Variants in CLEC7A observed in about 807,000 individuals in gnomAD.
CLEC7A encodes the protein C-type lectin domain family 7 member A.
In CLEC7A, 25 loss-of-function variants were observed where a neutral mutation model predicts 26.9. The observed-to-expected ratio is 0.93, with a 90% confidence interval of 0.68 to 1.30. The LOEUF is 1.30. Ranked by LOEUF, CLEC7A falls within the 50% of genes most tolerant of loss-of-function variation. The probability of loss-of-function intolerance (pLI) is 0.00; values close to 1 mark genes in which losing one functional copy is unlikely to be tolerated. For synonymous variants in CLEC7A, 100 were observed against 99.5 expected, an observed-to-expected ratio of 1.01 and a Z score of -0.03; for missense variants, 275 against 286.7, an observed-to-expected ratio of 0.96 and a Z score of 0.29.
chr12:10,128,256 A>C (rs552964548), intron 1 of CLEC7A, among the ~76,000 whole-genome samples: 32 of 143,368 alleles, frequency 2.2e-4, no homozygotes, highest in African/African-American at 8.3e-4. Context: ...ACCACCAACA[A>C]CAACAACAAA....
intron 5 of CLEC7A, 121 bp downstream of exon 5, chr12:10,123,124 C>G (rs754762744): frequency 9.4e-6 from 6 of 641,546 alleles, no homozygotes; most frequent in Non-Finnish European, 1.7e-5. Flanking sequence ...ATATCTTTCT[C>G]CCTCTCTTTC....
At chr12:10,129,829 G>A (rs1025433479) in intron 1 of CLEC7A, 151 bp downstream of exon 1, 1 of 473,282 alleles carries the variant, frequency 2.1e-6, no homozygotes, top group Admixed American at 3.4e-5. Context: ...CGTTAGCCAA[G>A]CTGGCCTCGA....
chr12:10,125,371 A>AC lies in CLEC7A; in HGVS notation c.417_418insG (p.Ser140ValfsTer6). ...CATTGTCTTTTACTTCCATCCCAGGAATTTAGTGACATGCTGAATAGATAA... is the reference window on the plus strand; with the variant it reads ...CATTGTCTTTTACTTCCATCCCAGGACATTTAGTGACATGCTGAATAGATAA... On this transcript the variant is annotated frameshift_variant, in exon 4 of 6. Coordinates refer to ENST00000304084, the MANE Select transcript of CLEC7A (RefSeq NM_197947.3). LOFTEE classifies it high-confidence loss of function. The AC allele has an allele frequency of 1.9e-6, 3 of 1,613,696 alleles. No homozygotes were observed. The highest frequency in any genetic ancestry group is 2.5e-6 in the Non-Finnish European group (3 of 1,179,868).
intron 3 of CLEC7A, among the ~76,000 whole-genome samples, chr12:10,125,774 ACAAT>A (rs534428457): frequency 2.8e-4 from 43 of 152,264 alleles, no homozygotes; most frequent in Non-Finnish European, 5.1e-4. Context: ...AAGTCCACTC[ACAAT>A]CAGTCATTGA....
Position 10,118,379 on chromosome 12 carries a change from C to T in CLEC7A, c.*79G>A. 7.4e-7 allele frequency: 1 copy of T among 1,344,150 alleles called. No individual in the cohort carries two copies. The highest frequency in any genetic ancestry group is 2.3e-5 in the East Asian group (1 of 42,990). 83.3% of individuals were successfully genotyped at this position (1,344,150 alleles called of 1,614,324 possible). A position where few individuals can be genotyped will look rare whatever the true frequency, so the allele number is the denominator to read the frequency against. On this transcript the variant is annotated 3_prime_UTR_variant, in exon 6 of 6. Coordinates refer to ENST00000304084, the MANE Select transcript of CLEC7A (RefSeq NM_197947.3). Reference sequence around the variant, plus strand: ...ACATTTTCTGCATTTATCTTGACCTCAGCTGTTACTCTTTTCTGTTCTGTT... The same window carrying T: ...ACATTTTCTGCATTTATCTTGACCTTAGCTGTTACTCTTTTCTGTTCTGTT...
intron 4 of CLEC7A, 45 bp from the exon 5 acceptor site, chr12:10,123,408 G>GAGAC: frequency 3.0e-6 from 3 of 1,015,122 alleles, no homozygotes; most frequent in African/African-American, 1.9e-5. Flanking sequence ...GAGAGAGAGA[G>GAGAC]AGAGAAAGAA....
intron 4 of CLEC7A, among the ~76,000 whole-genome samples, chr12:10,123,700 G>A (rs1948176920): frequency 7.2e-6 from 1 of 139,794 alleles, no homozygotes; most frequent in South Asian, 2.2e-4. Flanking sequence ...AGCGGAGCTT[G>A]CAGTGAGCCG....
At chr12:10,120,305 T>C (rs1317240820) in intron 5 of CLEC7A, among the ~76,000 whole-genome samples, 2 of 152,134 alleles carry the variant, frequency 1.3e-5, no homozygotes, top group Non-Finnish European at 2.9e-5. Flanking sequence ...CAGTGCTGAG[T>C]AAACACATTA....
intron 5 of CLEC7A, among the ~76,000 whole-genome samples, chr12:10,120,061 G>A (rs1444837449): frequency 6.6e-6 from 1 of 152,016 alleles, no homozygotes; most frequent in African/African-American, 2.4e-5. Context: ...CTTAATAGAG[G>A]CTTTTAATGG....
At chr12:10,127,580 C>A (rs1356545315) in intron 2 of CLEC7A, 167 bp downstream of exon 2, 1 of 978,702 alleles carries the variant, frequency 1.0e-6, no homozygotes, top group Non-Finnish European at 1.6e-6. Flanking sequence ...GTCTCTCACA[C>A]CCTTTATAAG....
chr12:10,120,461 G>GA (rs1266039310), intron 5 of CLEC7A, among the ~76,000 whole-genome samples: 1 of 151,952 alleles, frequency 6.6e-6, no homozygotes, highest in African/African-American at 2.4e-5. Context: ...TCAGTCTTAA[G>GA]AAAAAATACC....
chr12:10,123,118 C>A (rs1172880394), intron 5 of CLEC7A, 127 bp downstream of exon 5: 2 of 634,894 alleles, frequency 3.2e-6, no homozygotes, highest in Non-Finnish European at 5.7e-6. Flanking sequence ...TCTTCTATAT[C>A]TTTCTCCCTC....
rs765215573 is a variant in CLEC7A at position 10,126,530 on chromosome 12, C to A, written c.340+41G>T. The A allele has an allele frequency of 6.4e-6, 10 of 1,564,294 alleles. No individual in the cohort carries two copies. The Admixed American group carries it at 7.8e-5, about 12-fold the overall frequency. ...CCCAGGCTTCAGCACCAAGAATTAA[C>A]CCTCTTGAGTCAAGATTCCGTCCTT... On this transcript the variant is annotated intron_variant, in intron 3 of 5. Coordinates refer to ENST00000304084, the MANE Select transcript of CLEC7A (RefSeq NM_197947.3).
chr12:10,122,880 T>A (rs1565621346), intron 5 of CLEC7A, among the ~76,000 whole-genome samples: 1 of 152,042 alleles, frequency 6.6e-6, no homozygotes, highest in East Asian at 1.9e-4. Context: ...GTGAGTGGGG[T>A]AATCATTAAC....
At position 10,127,834 on chromosome 12, in the gene CLEC7A, C is replaced by G; in HGVS notation, c.115G>C (p.Ala39Pro). Residue 39 changes from alanine (A) to proline (P), a missense_variant, in exon 2 of 6, where the codon GCA (alanine) becomes CCA (proline). Ala to Pro is a conservative substitution (Grantham distance 27). Transcript: ENST00000304084. Reference protein sequence around the residue: ...AVVSEKGSCAASPPWRLIAVI... With the variant: ...AVVSEKGSCAPSPPWRLIAVI... ...GCAATGAGGCGCCAAGGAGGAGATG[C>G]AGCACACGATCCTGAGGAGCCAGAG... 6.4e-7 allele frequency: 1 copy of G among 1,559,518 alleles called. No individual in the cohort carries two copies. Among genetic ancestry groups the G allele is most frequent in the Non-Finnish European group, 8.7e-7 (1 of 1,150,598 alleles).
chr12:10,126,430 T>A, intron 3 of CLEC7A, 141 bp downstream of exon 3: 1 of 1,419,328 alleles, frequency 7.0e-7, no homozygotes. Flanking sequence ...TACATTACAC[T>A]AAGGTAATAC....
chr12:10,126,680 G>A lies in CLEC7A; in HGVS notation c.231C>T (p.Asn77=), dbSNP rs775269392. The stretch of plus-strand genomic sequence containing the variant: ...ATAGAAAGTAGCCATTCTCCAATGT[G>A]TTGCTTCCTGAATTGGATCTCCAAA... ...MAIWRSNSGS[N]TLENGYFLSR... Residue 77 remains asparagine (N), a synonymous_variant, in exon 3 of 6, where the codon AAC becomes AAT. Coordinates refer to ENST00000304084, the MANE Select transcript of CLEC7A (RefSeq NM_197947.3). 2.5e-6 allele frequency: 4 copies of A among 1,611,752 alleles called. No individual in the cohort carries two copies. In the South Asian group the frequency reaches 3.3e-5, roughly 13 times the overall value.
Position 10,120,645 on chromosome 12 carries a change from A to C in CLEC7A, c.612-2055T>G, listed in dbSNP as rs572438614. Among the ~76,000 whole-genome samples, 233 of 149,060 alleles carry C rather than the reference A, an allele frequency of 1.6e-3. 3 individuals are homozygous for C. The East Asian group carries it at 0.035, about 22-fold the overall frequency. On this transcript the variant is annotated intron_variant, in intron 5 of 5. Transcript: ENST00000304084. ...GTTTCACCATTTTGGCCAGGCTGGT[A>C]TCGAACTCCAGAGATCAAGTGATCC...
rs1947971300 is a variant in CLEC7A at position 10,118,340 on chromosome 12, G to A, written c.*118C>T. ...AATTTCTTGGTTAAGATTACAGTTG[G>A]CCAAGCTCTCTAAACATTTTCTGCA... On this transcript the variant is annotated 3_prime_UTR_variant, in exon 6 of 6. Transcript: ENST00000304084. 2.1e-6 allele frequency: 2 copies of A among 961,996 alleles called. No individual in the cohort carries two copies. The highest frequency in any genetic ancestry group is 1.7e-5 in the African/African-American group (1 of 59,336). The allele number at this position is 961,996 out of a possible 1,614,324, so 59.6% of individuals were successfully genotyped here. A position where few individuals can be genotyped will look rare whatever the true frequency, so the allele number is the denominator to read the frequency against.
Sources: gnomAD v4.1 joint callset for allele counts (sites outside exome capture counted in the v4.1 genomes callset) on GRCh38, gnomAD v4.1.1 for gene constraint, MANE v1.5 for transcripts, NCBI Gene and HGNC (gene_info 2026-07-23, HGNC 2026-07-21) for gene names.